EPB41L2: variants seen among roughly 807,000 people sequenced by gnomAD.
EPB41L2 encodes the protein erythrocyte membrane protein band 4.1 like 2, also known as band 4.1-like protein 2.
In EPB41L2, 43 loss-of-function variants were observed where a neutral mutation model predicts 113.0. The ratio of observed to expected loss-of-function variants is 0.38; its 90% confidence interval spans 0.30 to 0.49. The LOEUF is 0.49. Among genes scored for constraint, EPB41L2 ranks in the 20% least tolerant of loss-of-function variants. The probability of loss-of-function intolerance (pLI) is 0.95; values close to 1 mark genes in which losing one functional copy is unlikely to be tolerated. For synonymous variants in EPB41L2, 442 were observed against 436.7 expected, an observed-to-expected ratio of 1.01 and a Z score of -0.15; for missense variants, 1,147 against 1,223.4, an observed-to-expected ratio of 0.94 and a Z score of 0.93.
chr6:131,052,087 C>G (rs1435193117), intron 1 of EPB41L2, among the ~76,000 whole-genome samples: 1 of 152,032 alleles, frequency 6.6e-6, no homozygotes, highest in Non-Finnish European at 1.5e-5. Flanking sequence ...CAGGCGCCCA[C>G]CACCACACCC....
intron 19 of EPB41L2, among the ~76,000 whole-genome samples, chr6:130,845,904 C>T (rs1242344460): frequency 6.6e-6 from 1 of 152,204 alleles, no homozygotes; most frequent in Non-Finnish European, 1.5e-5. Context: ...ATGGGAATGT[C>T]TGAACTGTGA....
At chr6:130,989,146 T>C (rs1170476883) in intron 1 of EPB41L2, among the ~76,000 whole-genome samples, 1 of 152,128 alleles carries the variant, frequency 6.6e-6, no homozygotes, top group Non-Finnish European at 1.5e-5. Context: ...AGATCATTCA[T>C]TGAACATTCA....
At position 130,845,100 on chromosome 6, in the gene EPB41L2, T is replaced by C. The variant is rs370781299; in HGVS notation, c.*6-4502A>G. Among the ~76,000 whole-genome samples the C allele has an allele frequency of 7.9e-5, 12 of 152,340 alleles. No individual in the cohort carries two copies. The South Asian group carries it at 1.5e-3, about 18-fold the overall frequency. On this transcript the variant is annotated intron_variant, in intron 19 of 19. Transcript: ENST00000337057. ...GAGCCAAAAATGCAAGCATGCTAAA[T>C]TTCCATTTGGTTAAACCCAGAAAAA...
chr6:130,965,096 G>A (rs1774713069), intron 1 of EPB41L2, among the ~76,000 whole-genome samples: 1 of 152,128 alleles, frequency 6.6e-6, no homozygotes, highest in South Asian at 2.1e-4. Flanking sequence ...GAATTTTAGT[G>A]ACCATCAGGA....
intron 12 of EPB41L2, chr6:130,881,429 C>T (rs1231042317): frequency 6.6e-6 from 1 of 152,006 alleles, no homozygotes; most frequent in Admixed American, 6.5e-5. Context: ...CATTTAATTC[C>T]CTAAAATGTT....
intron 3 of EPB41L2, among the ~76,000 whole-genome samples, chr6:130,932,108 A>T (rs1807099273): frequency 6.6e-6 from 1 of 152,204 alleles, no homozygotes; most frequent in Non-Finnish European, 1.5e-5. Context: ...ATAATAATTG[A>T]TTTTAAATAT....
chr6:130,946,526 T>C (rs1812867563), intron 3 of EPB41L2, among the ~76,000 whole-genome samples: 1 of 152,128 alleles, frequency 6.6e-6, no homozygotes, highest in African/African-American at 2.4e-5. Flanking sequence ...ATTGGTTCCT[T>C]GGACAGTTGT....
At chr6:130,967,259 G>C (rs1775481437) in intron 1 of EPB41L2, among the ~76,000 whole-genome samples, 1 of 151,130 alleles carries the variant, frequency 6.6e-6, no homozygotes, top group Non-Finnish European at 1.5e-5. Flanking sequence ...TTTGGTTGCA[G>C]ATACAGAAGT....
intron 10 of EPB41L2, among the ~76,000 whole-genome samples, chr6:130,892,904 T>C (rs2128484062): frequency 6.6e-6 from 1 of 152,298 alleles, no homozygotes; most frequent in African/African-American, 2.4e-5. Context: ...GAGGTTGGTA[T>C]CACGGTGACA....
intron 1 of EPB41L2, among the ~76,000 whole-genome samples, chr6:130,966,878 A>G (rs1215114196): frequency 1.3e-5 from 2 of 152,072 alleles, no homozygotes; most frequent in East Asian, 3.9e-4. Flanking sequence ...AAGATGGCCT[A>G]AGCTTTGGAT....
chr6:130,858,324 C>T, intron 18 of EPB41L2, 81 bp from the exon 19 acceptor site: 1 of 1,061,056 alleles, frequency 9.4e-7, no homozygotes, highest in Non-Finnish European at 1.4e-6. Flanking sequence ...ACACACTGAT[C>T]ACCTCGGACC....
At chr6:130,911,605 T>TA (rs1411371320) in intron 4 of EPB41L2, among the ~76,000 whole-genome samples, 1 of 151,950 alleles carries the variant, frequency 6.6e-6, no homozygotes. Flanking sequence ...AAGAAAGCTT[T>TA]AAAAAAATGC....
At chr6:130,904,675 ATAAAAT>A in intron 5 of EPB41L2, 135 bp from the exon 6 acceptor site, 2 of 383,854 alleles carry the variant, frequency 5.2e-6, no homozygotes. Flanking sequence ...TTTTATTTAA[ATAAAAT>A]TAAAATTGTT....
intron 1 of EPB41L2, among the ~76,000 whole-genome samples, chr6:131,001,202 C>A (rs1256902516): frequency 6.6e-6 from 1 of 152,126 alleles, no homozygotes; most frequent in Non-Finnish European, 1.5e-5. Flanking sequence ...CTCCATGAAG[C>A]TCATAGAATC....
rs975497792 is a variant in EPB41L2, at chr6:130,955,411, G to T, written c.493-94C>A. 1.2e-5 allele frequency: 14 copies of T among 1,207,870 alleles called. No individual in the cohort carries two copies. The South Asian group carries it at 1.7e-4, about 15-fold the overall frequency. 74.8% of individuals were successfully genotyped at this position (1,207,870 alleles called of 1,614,324 possible). A position where few individuals can be genotyped will look rare whatever the true frequency, so the allele number is the denominator to read the frequency against. ...AAAATCTTTCATAAGAATTAGGATC[G>T]TTACTTTAAACACTGTAACTTTCAG... On this transcript the variant is annotated intron_variant, in intron 2 of 19. Coordinates refer to ENST00000337057, the MANE Select transcript of EPB41L2 (RefSeq NM_001431.4).
chr6:130,999,090 A>T (rs992889699), intron 1 of EPB41L2, among the ~76,000 whole-genome samples: 2 of 152,050 alleles, frequency 1.3e-5, no homozygotes, highest in Non-Finnish European at 2.9e-5. Context: ...AATGACGAGC[A>T]CCACCGTAGA....
chr6:130,981,749 G>A (rs1779420991), intron 1 of EPB41L2, among the ~76,000 whole-genome samples: 1 of 152,064 alleles, frequency 6.6e-6, no homozygotes, highest in South Asian at 2.1e-4. Context: ...GTCTTCTACT[G>A]ATCCAAATTG....
chr6:130,846,864 T>C (rs907108117), intron 19 of EPB41L2, among the ~76,000 whole-genome samples: 1 of 152,226 alleles, frequency 6.6e-6, no homozygotes, highest in Non-Finnish European at 1.5e-5. Flanking sequence ...CTTTTATAGA[T>C]GTTCCTATGA....
At chr6:130,944,636 A>C (rs1469301150) in intron 3 of EPB41L2, among the ~76,000 whole-genome samples, 1 of 152,252 alleles carries the variant, frequency 6.6e-6, no homozygotes, top group Non-Finnish European at 1.5e-5. Flanking sequence ...TAAGATAGGC[A>C]GGAATCATGT....
Sources: gnomAD v4.1 joint callset for allele counts (sites outside exome capture counted in the v4.1 genomes callset) on GRCh38, gnomAD v4.1.1 for gene constraint, MANE v1.5 for transcripts, NCBI Gene and HGNC (gene_info 2026-07-23, HGNC 2026-07-21) for gene names.